GDF9: variants seen among roughly 807,000 people sequenced by gnomAD.
The protein encoded by GDF9 is growth differentiation factor 9.
In GDF9, 30 loss-of-function variants were observed where a neutral mutation model predicts 33.8. The observed-to-expected ratio is 0.89, with a 90% CI of 0.66 to 1.20. GDF9 has a LOEUF of 1.20. Ranked by LOEUF, GDF9 falls within the 50% of genes most tolerant of loss-of-function variation. The pLI is 0.00. For synonymous variants in GDF9, 205 were observed against 200.7 expected (o/e 1.02, Z -0.18); for missense variants, 556 against 543.7 (o/e 1.02, Z -0.22).
chr5:132,864,479 A>G lies in GDF9; in HGVS notation c.55T>C (p.Phe19Leu). The change falls in exon 1 of 2, where the codon TTT becomes CTT. Residue 19 changes from phenylalanine to leucine, a missense_variant. Physicochemically the swap from Phe to Leu is conservative, Grantham distance 22 (BLOSUM62 0). Coordinates refer to ENST00000687138, the MANE Select transcript of GDF9 (RefSeq NM_005260.7). The stretch of plus-strand genomic sequence containing the variant: ...GCCTGAGAACCAAGGCTAATAGGAA[A>G]ACACAGCCAGGCAAAGCAGCAAAAC... ...LWFCCFAWLC[F>L]PISLGSQASG... The G allele has an allele frequency of 1.2e-6, 2 of 1,613,436 alleles. No individual in the cohort carries two copies. The highest frequency in any genetic ancestry group is 1.7e-6 in the Non-Finnish European group (2 of 1,180,032).
chr5:132,862,510 A>G lies in GDF9; in HGVS notation c.444T>C (p.Thr148=), dbSNP rs1173629542. The change falls in exon 2 of 2, where the codon ACT becomes ACC. Residue 148 remains threonine, a synonymous_variant. Coordinates refer to ENST00000687138, the MANE Select transcript of GDF9 (RefSeq NM_005260.7). ...VELLFNLDRI[T]TVEHLLKSVL... is the part of the protein sequence containing the mutation. ...CTGACTTGAGTAAGTGTTCAACGGT[A>G]GTAATGCGATCCAGGTTAAATAGCA... The G allele has an allele frequency of 1.9e-6, 3 of 1,610,252 alleles. No homozygotes were observed. The highest frequency in any genetic ancestry group is 2.5e-6 in the Non-Finnish European group (3 of 1,178,118).
chr5:132,861,502 A>G lies in GDF9; in HGVS notation c.*87T>C, dbSNP rs1759221255. On this transcript the variant is annotated 3_prime_UTR_variant, in exon 2 of 2. Transcript: ENST00000687138. ...TAACATATGCTACATTTAGAGACTTAATATATGAAGCTTTCTCTTGAAGGC... is the reference window on the plus strand; with the variant it reads ...TAACATATGCTACATTTAGAGACTTGATATATGAAGCTTTCTCTTGAAGGC... The G allele has an allele frequency of 9.0e-7, 1 of 1,109,342 alleles. No homozygotes were observed. The highest frequency in any genetic ancestry group is 1.7e-5 in the Admixed American group (1 of 59,264). The allele number at this position is 1,109,342 out of a possible 1,614,324, so 68.7% of individuals were successfully genotyped here. A position where few individuals can be genotyped will look rare whatever the true frequency, so the allele number is the denominator to read the frequency against.
chr5:132,864,522 G>T lies in GDF9; in HGVS notation c.12C>A (p.Pro4=), dbSNP rs777073113. The T allele has an allele frequency of 6.2e-7, 1 of 1,607,834 alleles. No individual in the cohort carries two copies. The highest frequency in any genetic ancestry group is 1.1e-5 in the South Asian group (1 of 91,086). MAR[P]NKFLLWFCCF... is the part of the protein sequence containing the mutation. ...AGCAAAACCAAAGGAGGAATTTGTT[G>T]GGACGTGCCATGGCTTGGGAGAACT... Residue 4 remains proline, a synonymous_variant, in exon 1 of 2, where the codon CCC becomes CCA. Coordinates refer to ENST00000687138, the MANE Select transcript of GDF9 (RefSeq NM_005260.7).
chr5:132,866,522 C>G (rs891959919), upstream of GDF9: 1 of 311,686 alleles, frequency 3.2e-6, no homozygotes, highest in African/African-American at 2.2e-5. Flanking sequence ...ACGGGTCACC[C>G]AGTCAGCCCA....
rs558730117 is a variant in GDF9 at position 132,865,004 on chromosome 5, T to C, written c.-471A>G. On this transcript the variant is annotated 5_prime_UTR_variant, in exon 1 of 2. Transcript: ENST00000687138. ...CTCAGATCTGCTGGTATGCAACTTATGGTATTAGGTTTACTCTTCCTCTCA... is the reference window on the plus strand; with the variant it reads ...CTCAGATCTGCTGGTATGCAACTTACGGTATTAGGTTTACTCTTCCTCTCA... 18 of 163,694 alleles carry C rather than the reference T, an allele frequency of 1.1e-4. No individual in the cohort carries two copies. Among genetic ancestry groups the C allele is most frequent in the Non-Finnish European group, 1.8e-4 (13 of 74,278 alleles). 10.1% of individuals were successfully genotyped at this position (163,694 alleles called of 1,614,324 possible).
rs1387328987 is a variant in GDF9, at chr5:132,864,695, A to G, written c.-162T>C. The G allele has an allele frequency of 1.4e-5, 9 of 655,800 alleles. No homozygotes were observed. The highest frequency in any genetic ancestry group is 2.1e-5 in the Non-Finnish European group (8 of 378,046). 40.6% of individuals were successfully genotyped at this position (655,800 alleles called of 1,614,324 possible). A position where few individuals can be genotyped will look rare whatever the true frequency, so the allele number is the denominator to read the frequency against. ...AGTATGCCTAGCTGAAGATTTTATC[A>G]GCTCTATATCAAGCAGCTGATAACA... On this transcript the variant is annotated 5_prime_UTR_variant, in exon 1 of 2. Transcript: ENST00000687138.
rs776452563 is a variant in GDF9 at position 132,864,396 on chromosome 5, A to G, written c.138T>C (p.Pro46=). ...ASAELESGAM[P]WSLLQHIDER... ...CATCTATATGCTGCAGCAAGGACCA[A>G]GGCATAGCCCCAGATTCCAACTCAG... Residue 46 remains proline, a synonymous_variant, in exon 1 of 2, where the codon CCT becomes CCC. Transcript: ENST00000687138. 6.2e-7 allele frequency: 1 copy of G among 1,613,970 alleles called. No individual in the cohort carries two copies. Among genetic ancestry groups the G allele is most frequent in the South Asian group, 1.1e-5 (1 of 91,082 alleles).
At position 132,862,377 on chromosome 5, in the gene GDF9, C is replaced by T. The variant is rs769225393; in HGVS notation, c.577G>A (p.Ala193Thr). The T allele has an allele frequency of 2.5e-6, 4 of 1,613,822 alleles. No individual in the cohort carries two copies. In the East Asian group the frequency reaches 6.7e-5, roughly 27 times the overall value. The change falls in exon 2 of 2, where the codon GCT (alanine) becomes ACT (threonine). Residue 193 changes from alanine to threonine, a missense_variant. Transcript: ENST00000687138. ...PKSSSRTLGR[A>T]PYSFTFNSQF... ...GAGTTAAAGGTAAATGAGTATGGAGCTCTGCCGAGAGTCCTGCTAGAAGAC... is the reference window on the plus strand; with the variant it reads ...GAGTTAAAGGTAAATGAGTATGGAGTTCTGCCGAGAGTCCTGCTAGAAGAC...
rs1759496626 is a variant in GDF9 at position 132,864,705 on chromosome 5, C to T, written c.-172G>A. ...GCTGAAGATTTTATCAGCTCTATAT[C>T]AAGCAGCTGATAACACCTTATTTAG... On this transcript the variant is annotated 5_prime_UTR_variant, in exon 1 of 2. Coordinates refer to ENST00000687138, the MANE Select transcript of GDF9 (RefSeq NM_005260.7). 1 of 628,690 alleles carries T rather than the reference C, an allele frequency of 1.6e-6. No homozygotes were observed. The allele number at this position is 628,690 out of a possible 1,614,324, so 38.9% of individuals were successfully genotyped here.
Position 132,862,159 on chromosome 5 carries a change from T to C in GDF9, c.795A>G (p.Leu265=). ...NMTLVSPSLI[L]YLNDTSAQAY... ...CCTGAGCACTTGTGTCATTCAAATA[T>C]AAGATCAGTGAGGGGGACACCAGAG... The change falls in exon 2 of 2, where the codon TTA becomes TTG. Residue 265 remains leucine (L), a synonymous_variant. Transcript: ENST00000687138. 3 of 1,613,402 alleles carry C rather than the reference T, an allele frequency of 1.9e-6. No individual in the cohort carries two copies. Among genetic ancestry groups the C allele is most frequent in the Non-Finnish European group, 1.7e-6 (2 of 1,179,300 alleles).
chr5:132,861,564 C>T lies in GDF9; in HGVS notation c.*25G>A. 4 of 1,609,702 alleles carry T rather than the reference C, an allele frequency of 2.5e-6. No homozygotes were observed. In the Admixed American group the frequency reaches 5.0e-5, roughly 20 times the overall value. On this transcript the variant is annotated 3_prime_UTR_variant, in exon 2 of 2. Transcript: ENST00000687138. ...CACAGTAGTTACTTTGCCAAATAGG[C>T]TCAAGGTTTTAAGAGGACCATTTGT...
rs1466417546 is a variant in GDF9 at position 132,862,489 on chromosome 5, C to T, written c.465G>A (p.Lys155=). ...DRITTVEHLL[K]SVLLYNINNS... Reference sequence around the variant, plus strand: ...TGTTGATATTGTACAGCAAGACTGACTTGAGTAAGTGTTCAACGGTAGTAA... The same window carrying T: ...TGTTGATATTGTACAGCAAGACTGATTTGAGTAAGTGTTCAACGGTAGTAA... The change falls in exon 2 of 2, where the codon AAG becomes AAA. Residue 155 remains lysine, a synonymous_variant. Transcript: ENST00000687138. 9 of 1,612,836 alleles carry T rather than the reference C, an allele frequency of 5.6e-6. No homozygotes were observed. The highest frequency in any genetic ancestry group is 4.5e-5 in the East Asian group (2 of 44,880).
In GDF9 at chr5:132,862,278, A is replaced by G. The variant is rs1759311598; in HGVS notation, c.676T>C (p.Ser226Pro). 1 of 1,613,764 alleles carries G rather than the reference A, an allele frequency of 6.2e-7. No homozygotes were observed. Among genetic ancestry groups the G allele is most frequent in the South Asian group, 1.1e-5 (1 of 91,088 alleles). The part of the protein sequence containing the change: ...VTSLLQPLVA[S>P]NKRSIHMSIN... ...GACATGTGAATACTTCTCTTGTTGGAGGCCACTAAAGGTTGAAGGAGGCTG... is the reference window on the plus strand; with the variant it reads ...GACATGTGAATACTTCTCTTGTTGGGGGCCACTAAAGGTTGAAGGAGGCTG... The change falls in exon 2 of 2, where the codon TCC becomes CCC. Residue 226 changes from serine to proline, a missense_variant. Coordinates refer to ENST00000687138, the MANE Select transcript of GDF9 (RefSeq NM_005260.7).
Position 132,864,548 on chromosome 5 carries a change from A to G in GDF9, c.-15T>C. ...GGACGTGCCATGGCTTGGGAGAACTAGTGAGGAACATATTTCTCCATGCCA... is the reference window on the plus strand; with the variant it reads ...GGACGTGCCATGGCTTGGGAGAACTGGTGAGGAACATATTTCTCCATGCCA... On this transcript the variant is annotated 5_prime_UTR_variant, in exon 1 of 2. An upstream open reading frame in the 5' UTR loses its in-frame stop. Transcript: ENST00000687138. 1 of 1,602,350 alleles carries G rather than the reference A, an allele frequency of 6.2e-7. No homozygotes were observed. The highest frequency in any genetic ancestry group is 8.5e-7 in the Non-Finnish European group (1 of 1,179,804).
rs1759273465 is a variant in GDF9, at chr5:132,861,974, T to A, written c.980A>T (p.Glu327Val). ...AGCTGGGCCCAAGGGCTTCTTCAAT[T>A]CAGAACTGACAGTTTCCTGACCTCT... Reference protein sequence around the residue: ...HRRGQETVSSELKKPLGPASF... With the variant: ...HRRGQETVSSVLKKPLGPASF... The change falls in exon 2 of 2, where the codon GAA becomes GTA. Residue 327 changes from glutamate (E) to valine (V), a missense_variant. Coordinates refer to ENST00000687138, the MANE Select transcript of GDF9 (RefSeq NM_005260.7). 3 of 1,614,110 alleles carry A rather than the reference T, an allele frequency of 1.9e-6. No individual in the cohort carries two copies. The highest frequency in any genetic ancestry group is 2.5e-6 in the Non-Finnish European group (3 of 1,179,984).
In GDF9 at chr5:132,865,638, G is replaced by A. The variant is rs993023804; in HGVS notation, c.-1105C>T. 1 of 152,158 alleles carries A rather than the reference G, an allele frequency of 6.6e-6. No individual in the cohort carries two copies. Among genetic ancestry groups the A allele is most frequent in the Non-Finnish European group, 1.5e-5 (1 of 68,034 alleles). 9.4% of individuals were successfully genotyped at this position (152,158 alleles called of 1,614,324 possible). On this transcript the variant is annotated 5_prime_UTR_variant, in exon 1 of 2. Transcript: ENST00000687138. ...GCAGTACCTACATGAGAAAACTAAG[G>A]TATGTCTGCAAAATACAAGTTGACT...
In GDF9 at chr5:132,861,908, GGAA is replaced by G. The variant is rs1266298166; in HGVS notation, c.1043_1045del (p.Leu348del). On this transcript the variant is annotated inframe_deletion, in exon 2 of 2. Transcript: ENST00000687138. ...GTCATGGAGCTCACACTCATTTTGG[GGAA>G]GAAGAAATTGTCTGAAGTATTCACT... 6.2e-7 allele frequency: 1 copy of G among 1,613,878 alleles called. No individual in the cohort carries two copies. The highest frequency in any genetic ancestry group is 1.1e-5 in the South Asian group (1 of 91,076).
rs762365301 is a variant in GDF9 at position 132,864,405 on chromosome 5, C to A, written c.129G>T (p.Gly43=). The change falls in exon 1 of 2, where the codon GGG becomes GGT. Residue 43 remains glycine, a synonymous_variant. Transcript: ENST00000687138. ...GCTGCAGCAAGGACCAAGGCATAGCCCCAGATTCCAACTCAGCACTAGCAG... is the reference window on the plus strand; with the variant it reads ...GCTGCAGCAAGGACCAAGGCATAGCACCAGATTCCAACTCAGCACTAGCAG... The part of the protein sequence containing the change: ...QIAASAELES[G]AMPWSLLQHI... 21 of 1,613,706 alleles carry A rather than the reference C, an allele frequency of 1.3e-5. No individual in the cohort carries two copies. The highest frequency in any genetic ancestry group is 1.7e-5 in the Non-Finnish European group (20 of 1,179,872).
In GDF9 at chr5:132,862,208, G is replaced by A. The variant is rs1759303646; in HGVS notation, c.746C>T (p.Ala249Val). 6.2e-7 allele frequency: 1 copy of A among 1,613,768 alleles called. No individual in the cohort carries two copies. The highest frequency in any genetic ancestry group is 8.5e-7 in the Non-Finnish European group (1 of 1,179,742). Reference sequence around the variant, plus strand: ...AGTCATGTTAAACAAACCATTCTGTGCTGAAGGATGCTCCAGCTGGTCTTT... The same window carrying A: ...AGTCATGTTAAACAAACCATTCTGTACTGAAGGATGCTCCAGCTGGTCTTT... Reference protein sequence around the residue: ...CMKDQLEHPSAQNGLFNMTLV... With the variant: ...CMKDQLEHPSVQNGLFNMTLV... The change falls in exon 2 of 2, where the codon GCA (alanine) becomes GTA (valine). Residue 249 changes from alanine to valine, a missense_variant. By Grantham distance (64) the Ala-to-Val change is moderately conservative. Transcript: ENST00000687138.
Sources: gnomAD v4.1 joint callset for allele counts on GRCh38, gnomAD v4.1.1 for gene constraint, MANE v1.5 for transcripts, NCBI Gene and HGNC (gene_info 2026-07-23, HGNC 2026-07-21) for gene names.